SSPN: variants seen among roughly 807,000 people sequenced by gnomAD.
SSPN encodes the protein sarcospan, also known as K-ras oncogene-associated protein.
Under a neutral mutation model 19.1 loss-of-function variants are expected in SSPN, and 15 were observed. The observed-to-expected ratio is 0.78, with a 90% CI of 0.52 to 1.21. SSPN has a LOEUF of 1.21. SSPN is among the 50% of genes most tolerant of loss of function. SSPN has a pLI of 0.00. For synonymous variants in SSPN, 147 were observed against 140.3 expected, an observed-to-expected ratio of 1.05 and a Z score of -0.34; for missense variants, 291 against 314.0, an observed-to-expected ratio of 0.93 and a Z score of 0.55.
At chr12:26,219,170 C>T (rs73295081) in intron 1 of SSPN, among the ~76,000 whole-genome samples, 13,641 of 152,064 alleles carry the variant, frequency 0.09, 1,254 homozygotes, top group African/African-American at 0.23. Flanking sequence ...GCTCTGTTGA[C>T]AACAAAAAGA....
intron 1 of SSPN, among the ~76,000 whole-genome samples, chr12:26,173,671 A>T (rs1232032024): frequency 1.3e-5 from 2 of 152,192 alleles, no homozygotes; most frequent in Non-Finnish European, 2.9e-5. Context: ...ATCGTCTTTT[A>T]TAAGAAGCCT....
chr12:26,126,871 T>A lies in SSPN; in HGVS notation c.-31+4719T>A, dbSNP rs149330375. Reference sequence around the variant, plus strand: ...AAACAGGCAATTTAATCACGATGGTTCTTAATTTAAAAAGTATTTTTAAAA... The same window carrying A: ...AAACAGGCAATTTAATCACGATGGTACTTAATTTAAAAAGTATTTTTAAAA... On this transcript the variant is annotated intron_variant, in intron 1 of 2. Transcript: ENST00000538142. Among the ~76,000 whole-genome samples the A allele has an allele frequency of 5.7e-3, 872 of 152,310 alleles. 8 individuals are homozygous for A. The highest frequency in any genetic ancestry group is 0.02 in the African/African-American group (835 of 41,558).
At chr12:26,176,965 C>T (rs1944687888) in intron 1 of SSPN, among the ~76,000 whole-genome samples, 1 of 152,142 alleles carries the variant, frequency 6.6e-6, no homozygotes, top group Admixed American at 6.5e-5. Context: ...AAATATTTGC[C>T]ATAGCTTTTT....
intron 1 of SSPN, among the ~76,000 whole-genome samples, chr12:26,145,028 A>G (rs1434063932): frequency 6.6e-6 from 1 of 152,212 alleles, no homozygotes; most frequent in Non-Finnish European, 1.5e-5. Context: ...CCCCACAACA[A>G]GTGGCAAAAA....
chr12:26,172,486 C>T (rs1944659378), intron 1 of SSPN, among the ~76,000 whole-genome samples: 3 of 152,182 alleles, frequency 2.0e-5, no homozygotes, highest in South Asian at 2.1e-4. Flanking sequence ...GTCTCTGATG[C>T]GAAAGATGAG....
rs1944533739 is a variant in SSPN at position 26,152,871 on chromosome 12, C to A, written c.-31+30719C>A. On this transcript the variant is annotated intron_variant, in intron 1 of 2. Coordinates refer to the SSPN transcript ENST00000538142. Reference sequence around the variant, plus strand: ...TCTTATCTGGCTGCAGCCTCCCTTCCAACTTCATCTTGCCATTGTCTGACT... The same window carrying A: ...TCTTATCTGGCTGCAGCCTCCCTTCAAACTTCATCTTGCCATTGTCTGACT... Among the ~76,000 whole-genome samples the A allele has an allele frequency of 2.0e-5, 3 of 152,208 alleles. No individual in the cohort carries two copies. In the South Asian group the frequency reaches 6.2e-4, roughly 31 times the overall value.
chr12:26,230,974 G>C lies in SSPN; in HGVS notation c.630G>C (p.Leu210Phe), dbSNP rs1474947802. The change falls in exon 3 of 3, where the codon TTG (leucine) becomes TTC (phenylalanine). Residue 210 changes from leucine (L) to phenylalanine (F), a missense_variant. Around this residue, in one of 3 missense-constraint regions of SSPN, gnomAD observed 141 missense variants for 166.7 expected, o/e 0.85. Coordinates refer to ENST00000242729, the MANE Select transcript of SSPN (RefSeq NM_005086.5). ...ILNLVCGLVC[L>F]LACFVMWKHR... ...ATTTGGTCTGCGGCCTTGTGTGCTT[G>C]TTGGCCTGCTTTGTGATGTGGAAAC... The C allele has an allele frequency of 6.8e-6, 11 of 1,614,204 alleles. No homozygotes were observed. Among genetic ancestry groups the C allele is most frequent in the African/African-American group, 1.3e-5 (1 of 75,050 alleles).
intron 1 of SSPN, among the ~76,000 whole-genome samples, chr12:26,215,667 T>C (rs1565690525): frequency 6.6e-6 from 1 of 152,180 alleles, no homozygotes; most frequent in Non-Finnish European, 1.5e-5. Context: ...GGTGGTGCAA[T>C]TTTAGAGGTG....
chr12:26,168,633 CATT>C (rs1307992436), intron 1 of SSPN, among the ~76,000 whole-genome samples: 4 of 152,288 alleles, frequency 2.6e-5, no homozygotes, highest in South Asian at 4.1e-4. Context: ...TAATGGAAGA[CATT>C]GTTGCATTCT....
Position 26,234,640 on chromosome 12 carries a change from G to A in SSPN, c.*3564G>A, listed in dbSNP as rs1173412497. The A allele has an allele frequency of 1.3e-5, 2 of 152,270 alleles. No homozygotes were observed. The highest frequency in any genetic ancestry group is 3.9e-4 in the East Asian group (2 of 5,188). The allele number at this position is 152,270 out of a possible 1,614,324, so 9.4% of individuals were successfully genotyped here. A position where few individuals can be genotyped will look rare whatever the true frequency, so the allele number is the denominator to read the frequency against. ...AAATACTGGTCTGTACTTTGGTGTT[G>A]TGGATTCATTTTTCTGGCATTGATC... On this transcript the variant is annotated 3_prime_UTR_variant, in exon 3 of 3. Transcript: ENST00000242729.
intron 1 of SSPN, among the ~76,000 whole-genome samples, chr12:26,145,656 C>T (rs979885094): frequency 3.3e-5 from 5 of 152,158 alleles, no homozygotes; most frequent in Non-Finnish European, 1.5e-5. Context: ...ACTGTGAGTC[C>T]TGCAGTCTTG....
At chr12:26,138,532 T>C (rs1944441669) in intron 1 of SSPN, among the ~76,000 whole-genome samples, 1 of 152,212 alleles carries the variant, frequency 6.6e-6, no homozygotes, top group Non-Finnish European at 1.5e-5. Flanking sequence ...GCTAGCCGCA[T>C]GTGGTTATTG....
At chr12:26,127,832 T>G (rs1371219752) in intron 1 of SSPN, among the ~76,000 whole-genome samples, 1 of 152,236 alleles carries the variant, frequency 6.6e-6, no homozygotes, top group African/African-American at 2.4e-5. Flanking sequence ...TCTCAAACTC[T>G]TGGCTTCTGG....
chr12:26,135,249 G>C (rs975282964), intron 1 of SSPN, among the ~76,000 whole-genome samples: 2 of 152,126 alleles, frequency 1.3e-5, no homozygotes, highest in African/African-American at 4.8e-5. Flanking sequence ...AGGTTTGCTG[G>C]GCTGAGTGGA....
At chr12:26,132,922 C>T (rs1286985772) in intron 1 of SSPN, among the ~76,000 whole-genome samples, 2 of 152,222 alleles carry the variant, frequency 1.3e-5, no homozygotes, top group African/African-American at 4.8e-5. Context: ...TCAGCCCTCA[C>T]CCTGACCCCA....
Position 26,122,942 on chromosome 12 carries a change from G to C in SSPN, c.-31+790G>C, listed in dbSNP as rs574280556. On this transcript the variant is annotated intron_variant, in intron 1 of 2. Coordinates refer to the SSPN transcript ENST00000538142. ...CCGCGGACCCGGCGGCCGAGGGAGC[G>C]CCGGTGCCTTTGCTCAGAGGGACCT... 1.9e-6 allele frequency: 3 copies of C among 1,554,052 alleles called. No homozygotes were observed. The South Asian group carries it at 3.6e-5, about 18-fold the overall frequency.
intron 1 of SSPN, among the ~76,000 whole-genome samples, chr12:26,174,812 T>C (rs1196408048): frequency 6.6e-6 from 1 of 152,178 alleles, no homozygotes; most frequent in East Asian, 1.9e-4. Context: ...TGAGCCACCG[T>C]GCCCGGCCTC....
intron 1 of SSPN, among the ~76,000 whole-genome samples, chr12:26,201,809 G>T (rs1944888326): frequency 6.6e-6 from 1 of 152,140 alleles, no homozygotes; most frequent in Non-Finnish European, 1.5e-5. Flanking sequence ...CTTACTTTAA[G>T]TAATATTCTC....
intron 1 of SSPN, chr12:26,122,458 A>G: frequency 7.4e-7 from 1 of 1,355,308 alleles, no homozygotes; most frequent in Non-Finnish European, 9.6e-7. Flanking sequence ...GGCGAGAGGA[A>G]GCAGAAGGGC....
Sources: gnomAD v4.1 joint callset for allele counts (sites outside exome capture counted in the v4.1 genomes callset) on GRCh38, gnomAD v4.1.1 for gene constraint, gnomAD v4.1.1 regional missense constraint, MANE v1.5 for transcripts, NCBI Gene and HGNC (gene_info 2026-07-23, HGNC 2026-07-21) for gene names.